BMP5: variants seen among roughly 807,000 people sequenced by gnomAD.
The protein encoded by BMP5 is bone morphogenetic protein 5.
In BMP5, 23 loss-of-function variants were observed where a neutral mutation model predicts 46.6. The ratio of observed to expected loss-of-function variants is 0.49; its 90% CI spans 0.35 to 0.70. BMP5 has a LOEUF of 0.70. Ranked by LOEUF, BMP5 falls within the 30% of genes least tolerant of loss-of-function variation. BMP5 has a pLI of 0.00. For synonymous variants in BMP5, 204 were observed against 191.9 expected (o/e 1.06, Z -0.52); for missense variants, 545 against 565.6 (o/e 0.96, Z 0.37).
chr6:55,789,566 CAGTT>C (rs1775527398), intron 3 of BMP5, among the ~76,000 whole-genome samples: 2 of 151,890 alleles, frequency 1.3e-5, no homozygotes, highest in South Asian at 4.1e-4. Flanking sequence ...CCTAGTATGT[CAGTT>C]AATTAATGTA....
At chr6:55,788,198 G>T (rs1160215653) in intron 3 of BMP5, among the ~76,000 whole-genome samples, 1 of 151,476 alleles carries the variant, frequency 6.6e-6, no homozygotes, top group East Asian at 1.9e-4. Flanking sequence ...TAATAAATTA[G>T]CCCCATATAT....
intron 2 of BMP5, among the ~76,000 whole-genome samples, chr6:55,797,874 C>T (rs1172828859): frequency 6.6e-6 from 1 of 152,090 alleles, no homozygotes; most frequent in Non-Finnish European, 1.5e-5. Context: ...CCTCGGCCTC[C>T]CAAAGTGCTG....
intron 1 of BMP5, among the ~76,000 whole-genome samples, chr6:55,853,767 A>G (rs1777313252): frequency 6.6e-6 from 1 of 152,216 alleles, no homozygotes; most frequent in African/African-American, 2.4e-5. Flanking sequence ...CTGGTTATAC[A>G]GTCAAACCCG....
rs9464293 is a variant in BMP5 at position 55,831,966 on chromosome 6, A to T, written c.491-12119T>A. On this transcript the variant is annotated intron_variant, in intron 1 of 6. Coordinates refer to ENST00000370830, the MANE Select transcript of BMP5 (RefSeq NM_021073.4). ...GTCTAACACAGAGAGAGACAAAAAT[A>T]ATGCTTAAGAAGGGAGATTTCAGGA... Among the ~76,000 whole-genome samples the T allele has an allele frequency of 3.9e-3, 593 of 152,284 alleles. 5 individuals are homozygous for T. The highest frequency in any genetic ancestry group is 0.013 in the African/African-American group (560 of 41,568).
chr6:55,760,053 A>G (rs985592331), intron 5 of BMP5, among the ~76,000 whole-genome samples: 1 of 151,970 alleles, frequency 6.6e-6, no homozygotes, highest in Non-Finnish European at 1.5e-5. Flanking sequence ...TGCAAGAAAA[A>G]AAAATGTCTG....
intron 1 of BMP5, among the ~76,000 whole-genome samples, chr6:55,851,807 C>G (rs936948521): frequency 6.6e-5 from 10 of 152,106 alleles, no homozygotes; most frequent in Non-Finnish European, 1.0e-4. Context: ...TAAAAAAAAT[C>G]TACATTCCCT....
Position 55,852,902 on chromosome 6 carries a change from TG to T in BMP5, c.490+21473del, listed in dbSNP as rs573411437. On this transcript the variant is annotated intron_variant, in intron 1 of 6. Coordinates refer to ENST00000370830, the MANE Select transcript of BMP5 (RefSeq NM_021073.4). ...ATTGCAGCACTTTGGGAGGCCGAGG[TG>T]GGTGGATCACGAGGTCAGGAGATCG... Among the ~76,000 whole-genome samples, 436 of 151,998 alleles carry T rather than the reference TG, an allele frequency of 2.9e-3. 2 individuals are homozygous for T. Among genetic ancestry groups the T allele is most frequent in the African/African-American group, 0.01 (419 of 41,482 alleles).
At chr6:55,756,601 T>C (rs1297677172) in intron 6 of BMP5, among the ~76,000 whole-genome samples, 2 of 151,838 alleles carry the variant, frequency 1.3e-5, no homozygotes, top group African/African-American at 4.8e-5. Context: ...TCTTACGGGA[T>C]CCACAAAAAG....
intron 2 of BMP5, among the ~76,000 whole-genome samples, chr6:55,815,827 A>G (rs1776248889): frequency 6.6e-6 from 1 of 152,160 alleles, no homozygotes; most frequent in African/African-American, 2.4e-5. Flanking sequence ...AATAGACTAT[A>G]AAGTATTAAT....
intron 4 of BMP5, among the ~76,000 whole-genome samples, chr6:55,764,414 A>G (rs2127517263): frequency 6.6e-6 from 1 of 152,214 alleles, no homozygotes; most frequent in African/African-American, 2.4e-5. Context: ...TCTACTAAAA[A>G]TACGAAAAAT....
intron 4 of BMP5, 68 bp downstream of exon 4, chr6:55,773,981 G>T: frequency 1.3e-6 from 2 of 1,530,472 alleles, no homozygotes; most frequent in Non-Finnish European, 1.8e-6. Flanking sequence ...ATTTATTGTG[G>T]CTACTTGATT....
intron 3 of BMP5, 116 bp from the exon 4 acceptor site, chr6:55,774,359 C>G (rs557166594): frequency 7.4e-6 from 7 of 947,144 alleles, no homozygotes; most frequent in Admixed American, 2.0e-5. Flanking sequence ...TATCAGAATG[C>G]CTTCCTTACA....
At chr6:55,827,506 A>T (rs1214368176) in intron 1 of BMP5, among the ~76,000 whole-genome samples, 3 of 151,780 alleles carry the variant, frequency 2.0e-5, no homozygotes, top group Non-Finnish European at 4.4e-5. Context: ...GAAGGTTCAC[A>T]AATTGCCAAG....
At chr6:55,868,447 A>T (rs1777701036) in intron 1 of BMP5, among the ~76,000 whole-genome samples, 1 of 152,166 alleles carries the variant, frequency 6.6e-6, no homozygotes, top group Non-Finnish European at 1.5e-5. Flanking sequence ...TGTAATATGT[A>T]TTTAATTCAC....
intron 2 of BMP5, among the ~76,000 whole-genome samples, chr6:55,798,339 C>T (rs998253967): frequency 5.3e-5 from 8 of 151,998 alleles, no homozygotes; most frequent in African/African-American, 1.5e-4. Flanking sequence ...ACTAATAAAG[C>T]GGGTTTTTTT....
chr6:55,835,384 G>A (rs1776768347), intron 1 of BMP5, among the ~76,000 whole-genome samples: 1 of 152,098 alleles, frequency 6.6e-6, no homozygotes, highest in South Asian at 2.1e-4. Context: ...TTATTTCCTG[G>A]ATTTCAAATG....
chr6:55,829,418 C>G (rs1235708534), intron 1 of BMP5, among the ~76,000 whole-genome samples: 1 of 151,496 alleles, frequency 6.6e-6, no homozygotes, highest in Non-Finnish European at 1.5e-5. Context: ...CCAGTGAATT[C>G]AAAAGCAGAA....
chr6:55,817,836 C>T (rs1318169898), intron 2 of BMP5, among the ~76,000 whole-genome samples: 2 of 152,116 alleles, frequency 1.3e-5, no homozygotes, highest in Admixed American at 6.5e-5. Flanking sequence ...GAAGCCAAGG[C>T]GTAGCCTAAT....
At chr6:55,774,311 C>T (rs1775119776) in intron 3 of BMP5, 68 bp from the exon 4 acceptor site, 4 of 1,464,418 alleles carry the variant, frequency 2.7e-6, no homozygotes, top group Non-Finnish European at 3.8e-6. Flanking sequence ...TGAATGAATT[C>T]TGAGGGTACT....
Sources: allele counts gnomAD v4.1 joint callset (sites outside exome capture counted in the v4.1 genomes callset), GRCh38; gene constraint gnomAD v4.1.1; transcripts MANE v1.5; gene names NCBI Gene and HGNC (gene_info 2026-07-23, HGNC 2026-07-21).